The following ZNF276 variants were observed in gnomAD, a reference collection of about 807,000 sequenced individuals.
ZNF276 encodes the protein centromere protein Z.
A neutral mutation model predicts 63.9 loss-of-function variants in ZNF276; 59 were observed. That is an observed-to-expected ratio of 0.92 (90% CI 0.75 to 1.15). The LOEUF is 1.15. Among genes scored for constraint, ZNF276 ranks in the 50% most tolerant of loss-of-function variants. The probability of loss-of-function intolerance (pLI) is 0.00; values close to 1 mark genes in which losing one functional copy is unlikely to be tolerated. For synonymous variants in ZNF276, 496 were observed against 348.4 expected, an observed-to-expected ratio of 1.42 and a Z score of -4.72; for missense variants, 1,084 against 843.8, an observed-to-expected ratio of 1.28 and a Z score of -3.53.
intron 4 of ZNF276, among the ~76,000 whole-genome samples, chr16:89,726,005 C>G (rs1486072442): frequency 6.6e-6 from 1 of 152,070 alleles, no homozygotes; most frequent in Non-Finnish European, 1.5e-5. Context: ...GCCACCAGGC[C>G]TGGCCGAGAG....
chr16:89,733,094 C>T lies in ZNF276; in HGVS notation c.1170-208C>T, dbSNP rs1028967942. On this transcript the variant is annotated intron_variant, in intron 6 of 10. Coordinates refer to ENST00000443381, the MANE Select transcript of ZNF276 (RefSeq NM_001113525.2). ...TCACCCCTGACCCTGCTGTGTCCTG[C>T]GCCCTTGCCCTCTGCTGTGCTCGCC... 11 of 587,972 alleles carry T rather than the reference C, an allele frequency of 1.9e-5. No homozygotes were observed. In the East Asian group the frequency reaches 2.4e-4, roughly 13 times the overall value. 36.4% of individuals were successfully genotyped at this position (587,972 alleles called of 1,614,324 possible). A position where few individuals can be genotyped will look rare whatever the true frequency, so the allele number is the denominator to read the frequency against.
chr16:89,740,636 C>CAAAAAAA lies in ZNF276; in HGVS notation c.*2402_*2408dup, dbSNP rs371709074. Reference sequence around the variant, plus strand: ...GGGTGACAGAGTGAGACCCCCATCTCAAAAAAAAAAAAAAAAAACCCACGG... The same window carrying CAAAAAAA: ...GGGTGACAGAGTGAGACCCCCATCTCAAAAAAAAAAAAAAAAAAAAAAAAACCCACGG... On this transcript the variant is annotated 3_prime_UTR_variant, in exon 11 of 11. Transcript: ENST00000443381. 1.1e-3 allele frequency: 485 copies of CAAAAAAA among 460,770 alleles called. No individual in the cohort carries two copies. Among genetic ancestry groups the CAAAAAAA allele is most frequent in the East Asian group, 2.6e-3 (71 of 27,632 alleles). The allele number at this position is 460,770 out of a possible 1,614,324, so 28.5% of individuals were successfully genotyped here. A position where few individuals can be genotyped will look rare whatever the true frequency, so the allele number is the denominator to read the frequency against.
At chr16:89,736,675 G>C (rs1189610948) in intron 9 of ZNF276, among the ~76,000 whole-genome samples, 1 of 150,508 alleles carries the variant, frequency 6.6e-6, no homozygotes, top group Non-Finnish European at 1.5e-5. Context: ...CACACCTGTG[G>C]TCCCAGCTAC....
In ZNF276 at chr16:89,738,213, A is replaced by G. The variant is rs746878858; in HGVS notation, c.1812A>G (p.Thr604=). 9.9e-6 allele frequency: 16 copies of G among 1,610,324 alleles called. No homozygotes were observed. The highest frequency in any genetic ancestry group is 1.7e-5 in the Admixed American group (1 of 59,488). Residue 604 remains threonine, a synonymous_variant, in exon 11 of 11, where the codon ACA becomes ACG. Transcript: ENST00000443381. The part of the protein sequence containing the change: ...PPGPPSPSVT[T]EGQAVKPEPT Reference sequence around the variant, plus strand: ...GGCCACCGAGCCCCTCTGTGACCACAGAGGGCCAGGCGGTGAAGCCCGAAC... The same window carrying G: ...GGCCACCGAGCCCCTCTGTGACCACGGAGGGCCAGGCGGTGAAGCCCGAAC...
chr16:89,737,664 T>C lies in ZNF276; in HGVS notation c.1475-142T>C, dbSNP rs55794507. ...AAGATCTTAATAAACGAGGCCCTCATAGGCCCCTTGCTTGGGCCCACTGCA... is the reference window on the plus strand; with the variant it reads ...AAGATCTTAATAAACGAGGCCCTCACAGGCCCCTTGCTTGGGCCCACTGCA... On this transcript the variant is annotated intron_variant, in intron 9 of 10. Coordinates refer to ENST00000443381, the MANE Select transcript of ZNF276 (RefSeq NM_001113525.2). The C allele has an allele frequency of 7.1e-5, 106 of 1,491,764 alleles. 1 individual carries two copies. In the African/African-American group the frequency reaches 1.2e-3, roughly 17 times the overall value. 92.4% of individuals were successfully genotyped at this position (1,491,764 alleles called of 1,614,324 possible).
chr16:89,731,302 G>A (rs1206287214), intron 6 of ZNF276, among the ~76,000 whole-genome samples: 1 of 152,250 alleles, frequency 6.6e-6, no homozygotes, highest in African/African-American at 2.4e-5. Context: ...TGCCCAGACT[G>A]GAGTGCAGTG....
At chr16:89,730,220 A>T (rs1302714869) in intron 6 of ZNF276, among the ~76,000 whole-genome samples, 1 of 152,196 alleles carries the variant, frequency 6.6e-6, no homozygotes, top group Non-Finnish European at 1.5e-5. Context: ...CAGCTTCAGC[A>T]TGAACAGAAA....
chr16:89,738,380 T>C lies in ZNF276; in HGVS notation c.*134T>C, dbSNP rs991918629. Reference sequence around the variant, plus strand: ...CTTGGTGCTGGAGGCGGGCTTGGTGTCCGGCTCAAGTAGCCTTCCTCTGCT... The same window carrying C: ...CTTGGTGCTGGAGGCGGGCTTGGTGCCCGGCTCAAGTAGCCTTCCTCTGCT... On this transcript the variant is annotated 3_prime_UTR_variant, in exon 11 of 11. Transcript: ENST00000443381. 2.1e-6 allele frequency: 3 copies of C among 1,423,336 alleles called. No homozygotes were observed. Among genetic ancestry groups the C allele is most frequent in the Non-Finnish European group, 2.8e-6 (3 of 1,064,936 alleles). The allele number at this position is 1,423,336 out of a possible 1,614,324, so 88.2% of individuals were successfully genotyped here. A position where few individuals can be genotyped will look rare whatever the true frequency, so the allele number is the denominator to read the frequency against.
intron 9 of ZNF276, among the ~76,000 whole-genome samples, chr16:89,735,244 A>G (rs1277000732): frequency 1.3e-5 from 2 of 148,972 alleles, no homozygotes; most frequent in Non-Finnish European, 3.0e-5. Context: ...GGGTCTTTGC[A>G]GGGCTAACTT....
In ZNF276 at chr16:89,733,539, A is replaced by G. The variant is rs1290734814; in HGVS notation, c.1338A>G (p.Arg446=). ...ACCAGGGCTGCACGGCCGTGTACCG[A>G]GGCGCTGACGGCATGAAGGTGAGCA... ...CPYQGCTAVY[R]GADGMKKHIK... is the part of the protein sequence containing the mutation. The change falls in exon 8 of 11, where the codon CGA becomes CGG. Residue 446 remains arginine (R), a synonymous_variant. Coordinates refer to ENST00000443381, the MANE Select transcript of ZNF276 (RefSeq NM_001113525.2). The G allele has an allele frequency of 6.2e-7, 1 of 1,614,060 alleles. No homozygotes were observed.
rs747892390 is a variant in ZNF276 at position 89,739,217 on chromosome 16, GTACATGTCCACAGC to G, written c.*972_*985del. The G allele has an allele frequency of 4.3e-6, 7 of 1,614,180 alleles. No individual in the cohort carries two copies. Among genetic ancestry groups the G allele is most frequent in the Non-Finnish European group, 5.9e-6 (7 of 1,180,046 alleles). ...CCACGAAGAGCTGGACCAGCTTCAA[GTACATGTCCACAGC>G]AACATGCAGGAAGGCCTCTTCCCTG... On this transcript the variant is annotated 3_prime_UTR_variant, in exon 11 of 11. Coordinates refer to ENST00000443381, the MANE Select transcript of ZNF276 (RefSeq NM_001113525.2).
At position 89,727,380 on chromosome 16, in the gene ZNF276, C is replaced by G. The variant is rs558666248; in HGVS notation, c.1085+23C>G. On this transcript the variant is annotated intron_variant, in intron 5 of 10. Coordinates refer to ENST00000443381, the MANE Select transcript of ZNF276 (RefSeq NM_001113525.2). ...GGGGTGAGAGAAGAGTGGGTTTAAA[C>G]AGCCTAAAATTTCTCCTTCAAAAAC... is the stretch of plus-strand genomic sequence containing the variant. 270 of 1,609,438 alleles carry G rather than the reference C, an allele frequency of 1.7e-4. 4 individuals carry two copies. In the South Asian group the frequency reaches 2.9e-3, roughly 18 times the overall value.
chr16:89,721,073 G>T, upstream of ZNF276: 1 of 377,418 alleles, frequency 2.6e-6, no homozygotes, highest in Non-Finnish European at 4.5e-6. Context: ...GGGTTGTCGC[G>T]ACGGAGCCGG....
Position 89,721,807 on chromosome 16 carries a change from C to T in ZNF276, c.167C>T (p.Ser56Phe), listed in dbSNP as rs1278582646. Residue 56 changes from serine (S) to phenylalanine (F), a missense_variant, in exon 1 of 11, where the codon TCC (serine) becomes TTC (phenylalanine). By Grantham distance (155) the Ser-to-Phe change is radical. Coordinates refer to ENST00000443381, the MANE Select transcript of ZNF276 (RefSeq NM_001113525.2). ...TARRAWGPVGSCGDAGEDGAD... is the reference protein window; with the variant it reads ...TARRAWGPVGFCGDAGEDGAD... ...CGGCGCGCCTGGGGCCCGGTGGGGT[C>T]CTGCGGGGACGCGGGCGAGGACGGC... is the stretch of plus-strand genomic sequence containing the variant. 4 of 1,237,788 alleles carry T rather than the reference C, an allele frequency of 3.2e-6. No homozygotes were observed. The highest frequency in any genetic ancestry group is 3.1e-5 in the African/African-American group (2 of 63,840). The allele number at this position is 1,237,788 out of a possible 1,614,324, so 76.7% of individuals were successfully genotyped here.
At position 89,727,304 on chromosome 16, in the gene ZNF276, A is replaced by C; in HGVS notation, c.1032A>C (p.Pro344=). 10 of 1,614,162 alleles carry C rather than the reference A, an allele frequency of 6.2e-6. No homozygotes were observed. Among genetic ancestry groups the C allele is most frequent in the Non-Finnish European group, 8.5e-6 (10 of 1,180,040 alleles). The change falls in exon 5 of 11, where the codon CCA becomes CCC. Residue 344 remains proline (P), a synonymous_variant. Coordinates refer to ENST00000443381, the MANE Select transcript of ZNF276 (RefSeq NM_001113525.2). ...GGCAGTTGGGTGAGAAGCAGCTTCC[A>C]TCTTCAACCTCGGATGATCGGGTAA... ...APGQLGEKQL[P]SSTSDDRVKD...
chr16:89,729,627 G>A (rs866586094), intron 6 of ZNF276, among the ~76,000 whole-genome samples: 55 of 152,272 alleles, frequency 3.6e-4, no homozygotes, highest in African/African-American at 1.1e-3. Flanking sequence ...TGAGAAGGAG[G>A]CTCTTACGTC....
At chr16:89,737,534 G>C in intron 9 of ZNF276, 1 of 437,226 alleles carries the variant, frequency 2.3e-6, no homozygotes, top group Admixed American at 4.1e-5. Context: ...AAAAAAAAAA[G>C]ACAAGAATCT....
chr16:89,738,806 C>T lies in ZNF276; in HGVS notation c.*560C>T. ...GAAATAGTCGAGTTGTATTGCCAGC[C>T]AGGCAGGCACATGGCCCAGGCAGCT... On this transcript the variant is annotated 3_prime_UTR_variant, in exon 11 of 11. Transcript: ENST00000443381. 1.9e-6 allele frequency: 3 copies of T among 1,613,782 alleles called. No individual in the cohort carries two copies. The highest frequency in any genetic ancestry group is 1.7e-6 in the Non-Finnish European group (2 of 1,179,874).
At chr16:89,734,258 G>C (rs2061775008) in intron 9 of ZNF276, among the ~76,000 whole-genome samples, 2 of 152,216 alleles carry the variant, frequency 1.3e-5, no homozygotes, top group Non-Finnish European at 1.5e-5. Context: ...GACTTCCCCA[G>C]GATCTAGGCA....
Sources: allele counts gnomAD v4.1 joint callset (sites outside exome capture counted in the v4.1 genomes callset), GRCh38; gene constraint gnomAD v4.1.1; transcripts MANE v1.5; gene names NCBI Gene and HGNC (gene_info 2026-07-23, HGNC 2026-07-21).